PSMG2: variants seen among roughly 807,000 people sequenced by gnomAD.
The protein encoded by PSMG2 is CD40 ligand-activated specific transcript 3.
Under a neutral mutation model 31.5 loss-of-function variants are expected in PSMG2, and 21 were observed. The ratio of observed to expected loss-of-function variants is 0.67; its 90% CI spans 0.47 to 0.96. PSMG2 has a LOEUF of 0.96. Ranked by LOEUF, PSMG2 falls within the 40% of genes least tolerant of loss-of-function variation. The probability of loss-of-function intolerance (pLI) is 0.00; values close to 1 mark genes in which losing one functional copy is unlikely to be tolerated. For synonymous variants in PSMG2, 120 were observed against 110.4 expected (o/e 1.09, Z -0.54); for missense variants, 318 against 321.2 (o/e 0.99, Z 0.08).
At chr18:12,708,351 G>A (rs1452824912) in intron 2 of PSMG2, among the ~76,000 whole-genome samples, 2 of 151,834 alleles carry the variant, frequency 1.3e-5, no homozygotes, top group African/African-American at 4.8e-5. Context: ...ATTACTATGA[G>A]CTAAATGCCA....
chr18:12,724,555 A>G lies in PSMG2; in HGVS notation c.638A>G (p.Asn213Ser), dbSNP rs755203015. The G allele has an allele frequency of 9.9e-6, 16 of 1,610,900 alleles. No homozygotes were observed. The highest frequency in any genetic ancestry group is 3.4e-5 in the Admixed American group (2 of 59,370). ...CTGAAATTTGTTTCAGAAGGGGACA[A>G]CATCCCAGATGCATTAGGTCTTGTT... ...VLLKFVSEGD[N>S]IPDALGLVEY... The change falls in exon 6 of 7, where the codon AAC becomes AGC. Residue 213 changes from asparagine (N) to serine (S), a missense_variant. By Grantham distance (46) the Asn-to-Ser change is conservative. Transcript: ENST00000317615.
At chr18:12,672,907 C>A (rs1355199066) in intron 1 of PSMG2, 1 of 984,292 alleles carries the variant, frequency 1.0e-6, no homozygotes, top group African/African-American at 1.7e-5. Context: ...TTTATTTTCA[C>A]CAATGCAATA....
upstream of PSMG2, chr18:12,698,752 G>C (rs1056849603): frequency 1.9e-6 from 1 of 539,032 alleles, no homozygotes; most frequent in East Asian, 3.0e-5. Flanking sequence ...TATTACTAAA[G>C]AATCAACAAT....
intron 1 of PSMG2, among the ~76,000 whole-genome samples, chr18:12,695,620 A>G (rs2039927970): frequency 6.6e-6 from 1 of 151,986 alleles, no homozygotes; most frequent in Non-Finnish European, 1.5e-5. Flanking sequence ...TATGTTATTC[A>G]GGTTGGTCTT....
At chr18:12,671,124 G>C (rs1291986096) in intron 1 of PSMG2, 1 of 139,328 alleles carries the variant, frequency 7.2e-6, no homozygotes, top group African/African-American at 2.5e-5. Context: ...TATTCTTTTA[G>C]AGAAATAGGG....
intron 1 of PSMG2, among the ~76,000 whole-genome samples, chr18:12,696,744 G>A (rs777173433): frequency 6.6e-6 from 1 of 152,058 alleles, no homozygotes; most frequent in Non-Finnish European, 1.5e-5. Context: ...AGGACTAGTT[G>A]ATACTAACAC....
At chr18:12,665,678 A>G (rs971026090) in intron 1 of PSMG2, among the ~76,000 whole-genome samples, 2 of 152,232 alleles carry the variant, frequency 1.3e-5, no homozygotes, top group African/African-American at 4.8e-5. Context: ...AGAATGTTTT[A>G]AACAAACTTC....
chr18:12,710,887 C>T (rs535318270), intron 2 of PSMG2, among the ~76,000 whole-genome samples: 1 of 152,058 alleles, frequency 6.6e-6, no homozygotes, highest in Non-Finnish European at 1.5e-5. Flanking sequence ...ATTGCCTGAG[C>T]TCAGGAGTTC....
chr18:12,698,225 T>C (rs2040027233), upstream of PSMG2, among the ~76,000 whole-genome samples: 2 of 151,834 alleles, frequency 1.3e-5, no homozygotes, highest in African/African-American at 2.4e-5. Context: ...TTTATAAATA[T>C]TTATTCATTT....
At chr18:12,698,528 G>A (rs2040040817), upstream of PSMG2, among the ~76,000 whole-genome samples, 1 of 152,058 alleles carries the variant, frequency 6.6e-6, no homozygotes, top group Non-Finnish European at 1.5e-5. Flanking sequence ...TTGAACTCCT[G>A]GCTTCAAATG....
chr18:12,702,841 C>T, upstream of PSMG2: 1 of 565,640 alleles, frequency 1.8e-6, no homozygotes, highest in Non-Finnish European at 3.1e-6. Flanking sequence ...CCCGCGGGCC[C>T]CGCACCCCGA....
At chr18:12,696,935 A>G (rs1407728746) in intron 1 of PSMG2, among the ~76,000 whole-genome samples, 2 of 147,900 alleles carry the variant, frequency 1.4e-5, no homozygotes, top group Admixed American at 1.3e-4. Flanking sequence ...ATAGCCTTAT[A>G]TTTAATCAAA....
intron 2 of PSMG2, 128 bp downstream of exon 2, chr18:12,706,849 C>T (rs2040273864): frequency 1.1e-6 from 1 of 930,342 alleles, no homozygotes. Flanking sequence ...GAGTTCACAA[C>T]CCAATCACAT....
intron 1 of PSMG2, chr18:12,686,242 C>G (rs770860636): frequency 6.3e-7 from 1 of 1,580,812 alleles, no homozygotes; most frequent in South Asian, 1.1e-5. Flanking sequence ...CTACTTAATT[C>G]TATTATGTGT....
intron 1 of PSMG2, among the ~76,000 whole-genome samples, chr18:12,675,310 G>A (rs1021633677): frequency 6.6e-6 from 1 of 151,952 alleles, no homozygotes; most frequent in East Asian, 1.9e-4. Flanking sequence ...GCAGGAGAAT[G>A]GTATGAATCC....
intron 1 of PSMG2, among the ~76,000 whole-genome samples, chr18:12,662,770 T>C (rs2038721631): frequency 6.6e-6 from 1 of 152,138 alleles, no homozygotes; most frequent in Admixed American, 6.6e-5. Flanking sequence ...GAGTGAGACC[T>C]TGTCTCAAAA....
intron 1 of PSMG2, among the ~76,000 whole-genome samples, chr18:12,682,978 A>C (rs1364141764): frequency 6.6e-6 from 1 of 152,082 alleles, no homozygotes; most frequent in Non-Finnish European, 1.5e-5. Flanking sequence ...AAAATTCAGA[A>C]GTAAAATAAA....
intron 1 of PSMG2, among the ~76,000 whole-genome samples, chr18:12,690,071 G>A (rs150073402): frequency 6.3e-5 from 9 of 143,064 alleles, no homozygotes; most frequent in African/African-American, 2.2e-4. Context: ...TTACAGGCGT[G>A]AGCCACCGCG....
chr18:12,673,456 C>T (rs374138097), intron 1 of PSMG2: 11 of 1,589,198 alleles, frequency 6.9e-6, no homozygotes, highest in Middle Eastern at 3.3e-4. Context: ...AACTGCCAGT[C>T]GCACTTGGTC....
Sources: gnomAD v4.1 joint callset for allele counts (sites outside exome capture counted in the v4.1 genomes callset) on GRCh38, gnomAD v4.1.1 for gene constraint, MANE v1.5 for transcripts, NCBI Gene and HGNC (gene_info 2026-07-23, HGNC 2026-07-21) for gene names.